EXD3: variants seen among roughly 807,000 people sequenced by gnomAD.
EXD3 encodes the protein exonuclease 3'-5' domain containing 3, also known as exonuclease mut-7 homolog.
A neutral mutation model predicts 98.0 loss-of-function variants in EXD3; 92 were observed. That is an observed-to-expected ratio of 0.94 (90% confidence interval 0.79 to 1.12). EXD3 has a LOEUF of 1.12. Ranked by LOEUF, EXD3 falls within the 50% of genes most tolerant of loss-of-function variation. The pLI is 0.00. For synonymous variants in EXD3, 569 were observed against 526.0 expected (o/e 1.08, Z -1.12); for missense variants, 1,222 against 1,191.6 (o/e 1.03, Z -0.38).
chr9:137,318,532 G>C (rs1035161124), intron 19 of EXD3, among the ~76,000 whole-genome samples: 1 of 152,198 alleles, frequency 6.6e-6, no homozygotes, highest in Non-Finnish European at 1.5e-5. Context: ...CCATGTCAGG[G>C]GTTCATGGTA....
At chr9:137,416,782 G>C (rs1032384787) in intron 1 of EXD3, among the ~76,000 whole-genome samples, 2 of 151,950 alleles carry the variant, frequency 1.3e-5, no homozygotes, top group Non-Finnish European at 2.9e-5. Context: ...AGGCCGTCCC[G>C]CAGCCTAGCC....
rs1245006868 is a variant in EXD3, at chr9:137,390,266, TAA to T, written c.55+5035_55+5036del. ...TAACATGGTGAAACCCCATCTCTAC[TAA>T]AAAAATACAAAAAATTAGCCGGGAG... On this transcript the variant is annotated intron_variant, in intron 2 of 21. Transcript: ENST00000340951. 7.8e-3 allele frequency among the ~76,000 whole-genome samples: 1,152 copies of T among 148,004 alleles called. 18 individuals are homozygous for T. Among genetic ancestry groups the T allele is most frequent in the African/African-American group, 0.027 (1,080 of 39,646 alleles).
chr9:137,414,472 C>T (rs1838146762), intron 1 of EXD3, among the ~76,000 whole-genome samples: 3 of 151,812 alleles, frequency 2.0e-5, no homozygotes, highest in Admixed American at 1.3e-4. Context: ...GACACACATT[C>T]CTAGGACTGG....
intron 20 of EXD3, among the ~76,000 whole-genome samples, chr9:137,308,671 C>T (rs1449491459): frequency 6.1e-5 from 9 of 146,722 alleles, no homozygotes; most frequent in Non-Finnish European, 1.2e-4. Context: ...GAGTCTCACT[C>T]TGTCCCCAAG....
At position 137,356,215 on chromosome 9, in the gene EXD3, C is replaced by T. The variant is rs368054203; in HGVS notation, c.757+53G>A. 563 of 1,387,998 alleles carry T rather than the reference C, an allele frequency of 4.1e-4. 2 individuals carry two copies. The African/African-American group carries it at 6.2e-3, about 15-fold the overall frequency. 86.0% of individuals were successfully genotyped at this position (1,387,998 alleles called of 1,614,324 possible). A position where few individuals can be genotyped will look rare whatever the true frequency, so the allele number is the denominator to read the frequency against. ...CAGTCACAGAGGATGTCCCTGGCCA[C>T]GCTTGGCGGCTCTCCCTGGCCTGTG... On this transcript the variant is annotated intron_variant, in intron 8 of 21. Transcript: ENST00000340951.
intron 8 of EXD3, among the ~76,000 whole-genome samples, chr9:137,355,541 A>AGGAGGAAGGAGGAAGGAGGAAG (rs1834648223): frequency 1.9e-5 from 1 of 52,610 alleles, no homozygotes; most frequent in Admixed American, 1.9e-4. Context: ...GGAAGGAGGA[A>AGGAGGAAGGAGGAAGGAGGAAG]GGAGGAAGGA....
intron 2 of EXD3, among the ~76,000 whole-genome samples, chr9:137,388,749 G>T (rs1307799093): frequency 6.6e-6 from 1 of 152,154 alleles, no homozygotes; most frequent in Non-Finnish European, 1.5e-5. Flanking sequence ...CTTGGGGCCT[G>T]GGTCACAAAG....
chr9:137,339,407 T>C lies in EXD3; in HGVS notation c.1998+8664A>G, dbSNP rs187700798. The stretch of plus-strand genomic sequence containing the variant: ...GGCCGGGTGAGGTGCCACATGCCTG[T>C]AGTCCCAGCCATAGTCTCACTGAGG... On this transcript the variant is annotated intron_variant, in intron 17 of 21. Transcript: ENST00000340951. 3.3e-5 allele frequency among the ~76,000 whole-genome samples: 5 copies of C among 149,494 alleles called. No homozygotes were observed. The Admixed American group carries it at 3.4e-4, about 10-fold the overall frequency.
At chr9:137,320,241 CAG>C in intron 19 of EXD3, among the ~76,000 whole-genome samples, 1 of 152,232 alleles carries the variant, frequency 6.6e-6, no homozygotes, top group East Asian at 1.9e-4. Context: ...TGCCCCCAGA[CAG>C]AGGGGCTGGC....
At position 137,393,532 on chromosome 9, in the gene EXD3, C is replaced by A. The variant is rs1331054678; in HGVS notation, c.55+1771G>T. Reference sequence around the variant, plus strand: ...AGCTCAGAGGTGGCCCCTCCCCGAGCACACGCTGACCTGGCTACATCAGGG... The same window carrying A: ...AGCTCAGAGGTGGCCCCTCCCCGAGAACACGCTGACCTGGCTACATCAGGG... On this transcript the variant is annotated intron_variant, in intron 2 of 21. Coordinates refer to ENST00000340951, the MANE Select transcript of EXD3 (RefSeq NM_017820.5). The surrounding 1 kb of genome is among the most constrained non-coding windows in gnomAD (Gnocchi z 4.6). Among the ~76,000 whole-genome samples, 1 of 152,198 alleles carries A rather than the reference C, an allele frequency of 6.6e-6. No homozygotes were observed. Among genetic ancestry groups the A allele is most frequent in the African/African-American group, 2.4e-5 (1 of 41,442 alleles).
At chr9:137,376,926 T>C (rs1478319050) in intron 3 of EXD3, 2 of 110,962 alleles carry the variant, frequency 1.8e-5, no homozygotes, top group African/African-American at 4.2e-5. Context: ...AGAATCTCCA[T>C]CTCAAAAAAA....
intron 7 of EXD3, among the ~76,000 whole-genome samples, chr9:137,358,022 T>C (rs1320349441): frequency 1.3e-5 from 2 of 152,080 alleles, no homozygotes; most frequent in Admixed American, 6.6e-5. Flanking sequence ...TAAGGGTGCG[T>C]CTGCCTCTCC....
Position 137,393,316 on chromosome 9 carries a change from G to T in EXD3, c.55+1987C>A, listed in dbSNP as rs886454077. On this transcript the variant is annotated intron_variant, in intron 2 of 21. Coordinates refer to ENST00000340951, the MANE Select transcript of EXD3 (RefSeq NM_017820.5). The surrounding 1 kb of genome is among the most constrained non-coding windows in gnomAD (Gnocchi z 4.6). ...CCGGCCCTGACGGCGGTCTCCAGGG[G>T]AGGTAACAGGGCCTCATCCCACACA... 17 of 694,146 alleles carry T rather than the reference G, an allele frequency of 2.4e-5. No homozygotes were observed. The highest frequency in any genetic ancestry group is 1.3e-4 in the South Asian group (9 of 67,018). The allele number at this position is 694,146 out of a possible 1,614,324, so 43.0% of individuals were successfully genotyped here.
At chr9:137,332,713 C>T (rs529142344) in intron 17 of EXD3, among the ~76,000 whole-genome samples, 20 of 135,368 alleles carry the variant, frequency 1.5e-4, no homozygotes, top group African/African-American at 2.5e-4. Context: ...TGCATGGTGG[C>T]GGGCGCCTGT....
intron 2 of EXD3, among the ~76,000 whole-genome samples, chr9:137,384,997 CAGG>C (rs1836510962): frequency 6.6e-6 from 1 of 152,090 alleles, no homozygotes; most frequent in South Asian, 2.1e-4. Context: ...GAGGCTGAGG[CAGG>C]AGAACAGCAT....
intron 17 of EXD3, among the ~76,000 whole-genome samples, chr9:137,342,977 G>A (rs776484505): frequency 9.2e-5 from 14 of 152,112 alleles, no homozygotes; most frequent in East Asian, 1.9e-4. Context: ...AAAATTAGCC[G>A]GGCGTGGTGG....
rs370223288 is a variant in EXD3, at chr9:137,409,977, C to T, written c.-48+13137G>A. ...GGATCACAAGGTCAGTAGTTCGAGA[C>T]CAGCCTGGCCAACATGGTGAAACCC... On this transcript the variant is annotated intron_variant, in intron 1 of 21. Coordinates refer to ENST00000340951, the MANE Select transcript of EXD3 (RefSeq NM_017820.5). Among the ~76,000 whole-genome samples the T allele has an allele frequency of 1.8e-4, 28 of 152,208 alleles. No homozygotes were observed. In the East Asian group the frequency reaches 5.0e-3, roughly 27 times the overall value.
At chr9:137,308,707 G>C (rs1831194928) in intron 20 of EXD3, among the ~76,000 whole-genome samples, 1 of 150,534 alleles carries the variant, frequency 6.6e-6, no homozygotes. Flanking sequence ...TGTGATCTCG[G>C]CTCACTGCAA....
chr9:137,351,577 G>T (rs1564502528), intron 12 of EXD3, 49 bp from the exon 13 acceptor site: 1 of 1,523,202 alleles, frequency 6.6e-7, no homozygotes, highest in East Asian at 2.4e-5. Context: ...ACTTGGCTCT[G>T]CAGGGACCAC....
Sources: gnomAD v4.1 joint callset for allele counts (sites outside exome capture counted in the v4.1 genomes callset) on GRCh38, gnomAD v4.1.1 for gene constraint, Gnocchi (gnomAD v3.1) non-coding constraint, MANE v1.5 for transcripts, NCBI Gene and HGNC (gene_info 2026-07-23, HGNC 2026-07-21) for gene names.